CDH8: variants seen among roughly 807,000 people sequenced by gnomAD.
The protein encoded by CDH8 is cadherin 8, also known as cadherin-8.
A neutral mutation model predicts 68.1 loss-of-function variants in CDH8; 17 were observed. The observed-to-expected ratio is 0.25, with a 90% CI of 0.17 to 0.37. CDH8 has a LOEUF of 0.37. CDH8 is among the 10% of genes least tolerant of loss of function. CDH8 has a pLI of 1.00. For missense variants in CDH8, 763 were observed against 999.3 expected, an observed-to-expected ratio of 0.76 and a Z score of 3.19; for synonymous variants, 372 against 365.1, an observed-to-expected ratio of 1.02 and a Z score of -0.21.
intron 8 of CDH8, among the ~76,000 whole-genome samples, chr16:61,779,617 T>C (rs1960995099): frequency 6.6e-6 from 1 of 152,152 alleles, no homozygotes; most frequent in African/African-American, 2.4e-5. Context: ...TAATCAATGG[T>C]CTGCTTTGAA....
intron 10 of CDH8, among the ~76,000 whole-genome samples, chr16:61,689,249 A>C (rs1413415232): frequency 6.6e-6 from 1 of 152,044 alleles, no homozygotes; most frequent in Non-Finnish European, 1.5e-5. Context: ...TTCCAGTTTG[A>C]ATTTAGCTCT....
At chr16:61,799,551 T>A (rs1444328811) in intron 7 of CDH8, among the ~76,000 whole-genome samples, 1 of 152,136 alleles carries the variant, frequency 6.6e-6, no homozygotes, top group Non-Finnish European at 1.5e-5. Context: ...TCCTCCGTCA[T>A]AAAGTTAGTA....
intron 10 of CDH8, among the ~76,000 whole-genome samples, chr16:61,702,784 A>T (rs551005527): frequency 6.6e-6 from 1 of 152,258 alleles, no homozygotes; most frequent in East Asian, 1.9e-4. Flanking sequence ...TTTAAGAGAC[A>T]GTGTGTGCTA....
intron 8 of CDH8, among the ~76,000 whole-genome samples, chr16:61,750,782 T>C (rs896140306): frequency 6.6e-6 from 1 of 152,176 alleles, no homozygotes; most frequent in East Asian, 1.9e-4. Flanking sequence ...ATTAACTGCA[T>C]GAAAGCTATT....
At chr16:61,686,703 A>T (rs1964116347) in intron 10 of CDH8, among the ~76,000 whole-genome samples, 1 of 152,034 alleles carries the variant, frequency 6.6e-6, no homozygotes, top group African/African-American at 2.4e-5. Flanking sequence ...TTGGGTAAAG[A>T]AAAAGAGATA....
chr16:61,787,941 T>TG (rs1555510338), intron 8 of CDH8, among the ~76,000 whole-genome samples: 26,571 of 78,330 alleles, frequency 0.34, 3,646 homozygotes, highest in Middle Eastern at 0.5. Context: ...GGGACTGTGG[T>TG]GGGGGGGGCG....
At chr16:62,017,144 T>C (rs1372787259) in intron 2 of CDH8, among the ~76,000 whole-genome samples, 1 of 152,152 alleles carries the variant, frequency 6.6e-6, no homozygotes, top group African/African-American at 2.4e-5. Context: ...TACTGAGCAG[T>C]TCCTATATGC....
chr16:61,772,263 A>G (rs1280519411), intron 8 of CDH8, among the ~76,000 whole-genome samples: 1 of 152,024 alleles, frequency 6.6e-6, no homozygotes, highest in Non-Finnish European at 1.5e-5. Flanking sequence ...AAACTGGATG[A>G]AGGAAGGCTG....
chr16:61,973,825 T>C (rs1965386434), intron 2 of CDH8, among the ~76,000 whole-genome samples: 1 of 152,254 alleles, frequency 6.6e-6, no homozygotes, highest in African/African-American at 2.4e-5. Flanking sequence ...CCAGTCATTC[T>C]ACACTGACTT....
At chr16:61,751,181 A>G (rs1265209049) in intron 8 of CDH8, among the ~76,000 whole-genome samples, 1 of 151,994 alleles carries the variant, frequency 6.6e-6, no homozygotes, top group East Asian at 1.9e-4. Flanking sequence ...ATACCGATGC[A>G]ATACAGCACA....
chr16:61,834,913 G>T (rs1962536253), intron 4 of CDH8, among the ~76,000 whole-genome samples: 1 of 151,902 alleles, frequency 6.6e-6, no homozygotes, highest in South Asian at 2.1e-4. Flanking sequence ...TGCAGCTGTG[G>T]CGTCCAAATC....
At chr16:61,907,933 T>C (rs1387619402) in intron 2 of CDH8, among the ~76,000 whole-genome samples, 1 of 151,196 alleles carries the variant, frequency 6.6e-6, no homozygotes, top group East Asian at 2.0e-4. Flanking sequence ...GTCCCAGCTA[T>C]TCAGGAGGCT....
intron 10 of CDH8, among the ~76,000 whole-genome samples, chr16:61,709,551 T>C (rs1328116199): frequency 6.6e-5 from 10 of 152,116 alleles, no homozygotes; most frequent in African/African-American, 2.4e-4. Context: ...GAAGGCTGTC[T>C]GTAATTTTCC....
At chr16:61,844,836 A>G (rs561594100) in intron 4 of CDH8, among the ~76,000 whole-genome samples, 40 of 152,326 alleles carry the variant, frequency 2.6e-4, no homozygotes, top group African/African-American at 8.4e-4. Flanking sequence ...TAATCAGTTT[A>G]TCAATATCTG....
intron 2 of CDH8, among the ~76,000 whole-genome samples, chr16:61,935,718 C>T (rs889175170): frequency 6.6e-6 from 1 of 152,038 alleles, no homozygotes; most frequent in African/African-American, 2.4e-5. Flanking sequence ...ATTAAAAGCA[C>T]CTAAGTATGT....
intron 3 of CDH8, among the ~76,000 whole-genome samples, chr16:61,886,569 G>C (rs1963676586): frequency 6.6e-6 from 1 of 152,144 alleles, no homozygotes; most frequent in African/African-American, 2.4e-5. Context: ...GCCAGAGATG[G>C]GAAGTGCCTA....
intron 5 of CDH8, among the ~76,000 whole-genome samples, chr16:61,824,374 C>A (rs1437374535): frequency 1.3e-5 from 2 of 151,826 alleles, no homozygotes; most frequent in Non-Finnish European, 2.9e-5. Context: ...GTCAGAAAGG[C>A]CTTATCAAAT....
intron 10 of CDH8, among the ~76,000 whole-genome samples, chr16:61,671,657 A>G (rs976138376): frequency 6.6e-6 from 1 of 152,064 alleles, no homozygotes; most frequent in Non-Finnish European, 1.5e-5. Flanking sequence ...AGATAAAATT[A>G]TCATTCAAGC....
chr16:61,897,613 C>T (rs948200537), intron 3 of CDH8, among the ~76,000 whole-genome samples: 1 of 152,082 alleles, frequency 6.6e-6, no homozygotes, highest in Non-Finnish European at 1.5e-5. Context: ...TAGATATAGG[C>T]TTGGCATGAA....
Sources: gnomAD v4.1 joint callset for allele counts (sites outside exome capture counted in the v4.1 genomes callset) on GRCh38, gnomAD v4.1.1 for gene constraint, MANE v1.5 for transcripts, NCBI Gene and HGNC (gene_info 2026-07-23, HGNC 2026-07-21) for gene names.